CDH18: variants seen among roughly 807,000 people sequenced by gnomAD.
The protein encoded by CDH18 is cadherin-18.
In CDH18, 31 loss-of-function variants were observed where a neutral mutation model predicts 67.9. That is an observed-to-expected ratio of 0.46 (90% CI 0.34 to 0.62). The LOEUF (loss-of-function observed/expected upper bound fraction) is 0.62. CDH18 is among the 20% of genes least tolerant of loss of function. The pLI is 0.01. For missense variants in CDH18, 890 were observed against 975.5 expected, an observed-to-expected ratio of 0.91 and a Z score of 1.17; for synonymous variants, 362 against 347.2, an observed-to-expected ratio of 1.04 and a Z score of -0.48.
At chr5:20,079,500 A>G (rs1312167621) in intron 2 of CDH18, among the ~76,000 whole-genome samples, 1 of 152,214 alleles carries the variant, frequency 6.6e-6, no homozygotes, top group African/African-American at 2.4e-5. Context: ...GACTATTTTG[A>G]ATAGTGCTGC....
intron 1 of CDH18, among the ~76,000 whole-genome samples, chr5:20,347,112 G>T (rs564898866): frequency 6.0e-4 from 91 of 152,076 alleles, no homozygotes; most frequent in Non-Finnish European, 1.1e-3. Context: ...ACCATTAAAG[G>T]ATATCTCCCT....
chr5:19,601,160 C>T (rs553773913), intron 6 of CDH18, among the ~76,000 whole-genome samples: 2 of 152,216 alleles, frequency 1.3e-5, no homozygotes, highest in African/African-American at 2.4e-5. Context: ...TCTTGGTCTG[C>T]AGGAGGTTAC....
intron 2 of CDH18, among the ~76,000 whole-genome samples, chr5:19,942,593 C>A (rs1018752080): frequency 6.6e-6 from 1 of 152,120 alleles, no homozygotes; most frequent in Admixed American, 6.6e-5. Context: ...TCATGTTTTC[C>A]TGAAACAAGT....
At chr5:20,541,489 A>C (rs1330703351) in intron 1 of CDH18, among the ~76,000 whole-genome samples, 1 of 152,154 alleles carries the variant, frequency 6.6e-6, no homozygotes, top group African/African-American at 2.4e-5. Flanking sequence ...ACAAAAATAC[A>C]CACAAAATTA....
chr5:19,827,476 C>A (rs544534095), intron 3 of CDH18, among the ~76,000 whole-genome samples: 2 of 151,984 alleles, frequency 1.3e-5, no homozygotes, highest in Admixed American at 6.6e-5. Flanking sequence ...GTAAAATCAC[C>A]CACACAATAA....
intron 5 of CDH18, among the ~76,000 whole-genome samples, chr5:19,670,351 C>T (rs1011682556): frequency 1.3e-5 from 2 of 151,946 alleles, no homozygotes; most frequent in Non-Finnish European, 2.9e-5. Flanking sequence ...GAGAAAAGTA[C>T]ATTCAAAAAC....
At chr5:20,027,659 A>G (rs1739028316) in intron 2 of CDH18, among the ~76,000 whole-genome samples, 1 of 152,248 alleles carries the variant, frequency 6.6e-6, no homozygotes, top group Non-Finnish European at 1.5e-5. Context: ...ATGTTAAACT[A>G]CAGTAAGTTT....
In CDH18 at chr5:20,056,753, G is replaced by C. The variant is rs1242332748; in HGVS notation, c.-517-64739C>G. ...GGCTGGAGTGCGGTGGTGCGATCTC[G>C]GCTCACTGCAAGCTCCACCTCCCGG... On this transcript the variant is annotated intron_variant, in intron 2 of 14. Coordinates refer to the CDH18 transcript ENST00000507958. Among the ~76,000 whole-genome samples the C allele has an allele frequency of 5.9e-5, 8 of 135,166 alleles. No individual in the cohort carries two copies. The Admixed American group carries it at 6.0e-4, about 10-fold the overall frequency. 88.7% of individuals were successfully genotyped at this position (135,166 alleles called of 152,430 possible). A position where few individuals can be genotyped will look rare whatever the true frequency, so the allele number is the denominator to read the frequency against.
chr5:19,853,344 C>T (rs1194666716), intron 2 of CDH18, among the ~76,000 whole-genome samples: 1 of 152,090 alleles, frequency 6.6e-6, no homozygotes, highest in Admixed American at 6.6e-5. Context: ...GCAGACTGAT[C>T]TTATGACTTC....
chr5:20,495,773 T>G (rs1425910178), intron 1 of CDH18, among the ~76,000 whole-genome samples: 2 of 152,096 alleles, frequency 1.3e-5, no homozygotes, highest in East Asian at 3.9e-4. Context: ...ATGAGACAGA[T>G]TAGATTTAAA....
chr5:19,991,332 A>G (rs1018231794), upstream of CDH18, among the ~76,000 whole-genome samples: 1 of 152,226 alleles, frequency 6.6e-6, no homozygotes, highest in Admixed American at 6.5e-5. Flanking sequence ...TTGAGATATC[A>G]TTGGCATAAA....
intron 4 of CDH18, among the ~76,000 whole-genome samples, chr5:19,729,100 C>G (rs995713960): frequency 4.6e-5 from 7 of 152,192 alleles, no homozygotes; most frequent in Non-Finnish European, 1.0e-4. Flanking sequence ...TATAAAACCA[C>G]AGCAATTGTT....
intron 1 of CDH18, among the ~76,000 whole-genome samples, chr5:20,408,795 G>C (rs1746519617): frequency 6.6e-6 from 1 of 151,540 alleles, no homozygotes. Context: ...ATATGGAACA[G>C]ACCAATAAAT....
At chr5:19,814,098 G>T (rs960619323) in intron 3 of CDH18, among the ~76,000 whole-genome samples, 17 of 151,560 alleles carry the variant, frequency 1.1e-4, no homozygotes, top group African/African-American at 3.6e-4. Flanking sequence ...GGAGAAGAAA[G>T]AGGCTCTTTT....
intron 8 of CDH18, among the ~76,000 whole-genome samples, chr5:19,545,707 G>A (rs759284585): frequency 6.6e-6 from 1 of 152,044 alleles, no homozygotes; most frequent in Non-Finnish European, 1.5e-5. Flanking sequence ...TTACTGAGGT[G>A]GATAAAAAGA....
rs554511124 is a variant in CDH18 at position 19,923,809 on chromosome 5, T to C, written c.-257+57251A>G. On this transcript the variant is annotated intron_variant, in intron 2 of 12. Coordinates refer to ENST00000382275, the MANE Select transcript of CDH18 (RefSeq NM_004934.5). ...AAGGATTTCGTATTATATCAAAATA[T>C]ACTCTTCTCAAAAAGATAGCTTGTG... 2.6e-5 allele frequency among the ~76,000 whole-genome samples: 4 copies of C among 152,336 alleles called. No homozygotes were observed. The South Asian group carries it at 8.3e-4, about 32-fold the overall frequency.
At chr5:19,885,392 C>T (rs1342030720) in intron 2 of CDH18, among the ~76,000 whole-genome samples, 3 of 152,072 alleles carry the variant, frequency 2.0e-5, no homozygotes, top group Non-Finnish European at 2.9e-5. Flanking sequence ...GGCATGATGT[C>T]TAAAAAGGGA....
chr5:19,754,247 T>A (rs1230471979), intron 3 of CDH18, among the ~76,000 whole-genome samples: 1 of 152,182 alleles, frequency 6.6e-6, no homozygotes. Flanking sequence ...CAACCAAGTA[T>A]CTGTTGCCTT....
chr5:19,583,733 T>A (rs1743652216), intron 7 of CDH18, among the ~76,000 whole-genome samples: 1 of 152,156 alleles, frequency 6.6e-6, no homozygotes, highest in African/African-American at 2.4e-5. Flanking sequence ...TCACCTCGTT[T>A]CATGTTTTCC....
Sources: gnomAD v4.1 joint callset for allele counts (sites outside exome capture counted in the v4.1 genomes callset) on GRCh38, gnomAD v4.1.1 for gene constraint, MANE v1.5 for transcripts, NCBI Gene and HGNC (gene_info 2026-07-23, HGNC 2026-07-21) for gene names.